Variants in CNTNAP2 observed in about 807,000 individuals in gnomAD.
The protein encoded by CNTNAP2 is contactin associated protein 2.
In CNTNAP2, 98 loss-of-function variants were observed where a neutral mutation model predicts 155.2. The ratio of observed to expected loss-of-function variants is 0.63; its 90% CI spans 0.54 to 0.75. The LOEUF is 0.75. CNTNAP2 is among the 30% of genes least tolerant of loss of function. The pLI, the probability that CNTNAP2 is intolerant of heterozygous loss-of-function variation, is 0.00. For synonymous variants in CNTNAP2, 651 were observed against 631.2 expected (o/e 1.03, Z -0.47); for missense variants, 1,727 against 1,688.1 (o/e 1.02, Z -0.40).
chr7:146,258,959 C>T (rs1386018170), intron 1 of CNTNAP2, among the ~76,000 whole-genome samples: 4 of 152,056 alleles, frequency 2.6e-5, no homozygotes, highest in South Asian at 2.1e-4. Flanking sequence ...GTTGTAATCG[C>T]GAAGTGTTGA....
intron 2 of CNTNAP2, among the ~76,000 whole-genome samples, chr7:146,805,894 AT>A (rs927160288): frequency 1.3e-5 from 2 of 152,234 alleles, no homozygotes; most frequent in South Asian, 2.1e-4. Context: ...CCAGAAGTCA[AT>A]TTTTTTTAAA....
intron 3 of CNTNAP2, among the ~76,000 whole-genome samples, chr7:146,885,234 A>G (rs1021797582): frequency 2.6e-5 from 4 of 152,200 alleles, no homozygotes; most frequent in African/African-American, 9.6e-5. Flanking sequence ...GGATATTTAC[A>G]TTGTTGATTC....
intron 1 of CNTNAP2, among the ~76,000 whole-genome samples, chr7:146,357,432 T>C (rs1415793764): frequency 6.6e-6 from 1 of 152,112 alleles, no homozygotes; most frequent in African/African-American, 2.4e-5. Context: ...TCATATAATC[T>C]ATAAGATCAT....
At chr7:146,140,668 C>T (rs548809317) in intron 1 of CNTNAP2, among the ~76,000 whole-genome samples, 43 of 151,988 alleles carry the variant, frequency 2.8e-4, no homozygotes, top group Non-Finnish European at 5.0e-4. Flanking sequence ...TAGGGACAAA[C>T]GATATTTTGT....
intron 1 of CNTNAP2, among the ~76,000 whole-genome samples, chr7:146,259,030 T>C (rs898799528): frequency 2.0e-5 from 3 of 152,108 alleles, no homozygotes; most frequent in Admixed American, 6.5e-5. Context: ...GCTGCTCTCA[T>C]GATAGTGAGG....
chr7:147,783,855 G>A (rs1472577627), intron 13 of CNTNAP2, among the ~76,000 whole-genome samples: 1 of 152,140 alleles, frequency 6.6e-6, no homozygotes. Context: ...GAATTTACTA[G>A]CAGCTGTAAC....
chr7:147,577,586 T>C (rs1800418554), intron 12 of CNTNAP2, among the ~76,000 whole-genome samples: 2 of 151,872 alleles, frequency 1.3e-5, no homozygotes, highest in Non-Finnish European at 2.9e-5. Flanking sequence ...GTTTCTTCTA[T>C]TGGGGTGGCA....
chr7:147,093,163 C>T (rs1252581145), intron 4 of CNTNAP2, among the ~76,000 whole-genome samples: 2 of 148,844 alleles, frequency 1.3e-5, no homozygotes, highest in African/African-American at 5.0e-5. Flanking sequence ...ATGGCGTGAA[C>T]TCGGGAGGCG....
rs537462005 is a variant in CNTNAP2, at chr7:146,427,025, C to T, written c.97+310052C>T. On this transcript the variant is annotated intron_variant, in intron 1 of 23. Transcript: ENST00000361727. ...AAAAAACTGCTTATTTTCCACTATT[C>T]ATCTAAAGTAAAAAGAAAACAAAAA... Among the ~76,000 whole-genome samples the T allele has an allele frequency of 7.2e-5, 11 of 152,188 alleles. No homozygotes were observed. In the East Asian group the frequency reaches 2.1e-3, roughly 29 times the overall value.
chr7:147,072,367 C>A (rs902275485), intron 4 of CNTNAP2, among the ~76,000 whole-genome samples: 1 of 152,166 alleles, frequency 6.6e-6, no homozygotes, highest in Non-Finnish European at 1.5e-5. Context: ...TGCCACCAAA[C>A]TATCTTAAGC....
At chr7:146,383,618 A>T (rs1795421067) in intron 1 of CNTNAP2, among the ~76,000 whole-genome samples, 1 of 152,182 alleles carries the variant, frequency 6.6e-6, no homozygotes, top group African/African-American at 2.4e-5. Context: ...ACTAGTTTCA[A>T]ACTTTACACT....
chr7:146,858,435 T>C (rs534521094), intron 3 of CNTNAP2, among the ~76,000 whole-genome samples: 2 of 152,348 alleles, frequency 1.3e-5, no homozygotes, highest in East Asian at 1.9e-4. Flanking sequence ...GGCTCATGCC[T>C]GTAATCCCAG....
chr7:147,852,968 A>C (rs906397176), intron 13 of CNTNAP2, among the ~76,000 whole-genome samples: 2 of 152,190 alleles, frequency 1.3e-5, no homozygotes, highest in African/African-American at 4.8e-5. Context: ...GGGAAACATT[A>C]AAAGTTGGCC....
In CNTNAP2 at chr7:146,778,214, T is replaced by C. The variant is rs544028576; in HGVS notation, c.208+3833T>C. ...AGTTTTATTATTTACTTAAATGATA[T>C]TCCTAAAGTACATTTTGGAGAGAAA... On this transcript the variant is annotated intron_variant, in intron 2 of 23. Coordinates refer to ENST00000361727, the MANE Select transcript of CNTNAP2 (RefSeq NM_014141.6). Among the ~76,000 whole-genome samples, 8 of 152,334 alleles carry C rather than the reference T, an allele frequency of 5.3e-5. No individual in the cohort carries two copies. In the South Asian group the frequency reaches 1.2e-3, roughly 24 times the overall value.
intron 16 of CNTNAP2, among the ~76,000 whole-genome samples, chr7:148,145,301 T>C (rs1805156505): frequency 6.6e-6 from 1 of 152,152 alleles, no homozygotes; most frequent in Non-Finnish European, 1.5e-5. Flanking sequence ...AAAATATTGA[T>C]GTTAAGGTGA....
intron 1 of CNTNAP2, among the ~76,000 whole-genome samples, chr7:146,499,471 A>G (rs1797268267): frequency 6.6e-6 from 1 of 152,196 alleles, no homozygotes; most frequent in Non-Finnish European, 1.5e-5. Flanking sequence ...ATTTGGTAGT[A>G]AGTTTTAAAT....
intron 10 of CNTNAP2, among the ~76,000 whole-genome samples, chr7:147,418,282 G>A (rs1169059349): frequency 6.6e-6 from 1 of 152,190 alleles, no homozygotes; most frequent in Non-Finnish European, 1.5e-5. Flanking sequence ...TTACTGAGCA[G>A]GTGGTTCCTG....
intron 13 of CNTNAP2, among the ~76,000 whole-genome samples, chr7:147,896,493 T>G (rs1040550736): frequency 2.0e-5 from 3 of 151,506 alleles, no homozygotes; most frequent in African/African-American, 7.3e-5. Flanking sequence ...GGGATCAGAG[T>G]TTTTAAGGAC....
Position 147,242,987 on chromosome 7 carries a change from A to ATTT in CNTNAP2, c.1349-57127_1349-57125dup, listed in dbSNP as rs766917054. Among the ~76,000 whole-genome samples, 53 of 47,162 alleles carry ATTT rather than the reference A, an allele frequency of 1.1e-3. 11 individuals carry two copies. Among genetic ancestry groups the ATTT allele is most frequent in the African/African-American group, 3.0e-3 (35 of 11,750 alleles). 30.9% of individuals were successfully genotyped at this position (47,162 alleles called of 152,430 possible). A position where few individuals can be genotyped will look rare whatever the true frequency, so the allele number is the denominator to read the frequency against. ...TGTTGTATTCCACACTATGCTTTGC[A>ATTT]TTTTTTTTTTTTTTTTTTTTTTTTT... On this transcript the variant is annotated intron_variant, in intron 8 of 23. Coordinates refer to ENST00000361727, the MANE Select transcript of CNTNAP2 (RefSeq NM_014141.6).
Sources: allele counts gnomAD v4.1 joint callset (sites outside exome capture counted in the v4.1 genomes callset), GRCh38; gene constraint gnomAD v4.1.1; transcripts MANE v1.5; gene names NCBI Gene and HGNC (gene_info 2026-07-23, HGNC 2026-07-21).